CD68: variants seen among roughly 807,000 people sequenced by gnomAD.
CD68 encodes macrosialin.
Under a neutral mutation model 31.3 loss-of-function variants are expected in CD68, and 24 were observed. The ratio of observed to expected loss-of-function variants is 0.77; its 90% CI spans 0.55 to 1.08. The LOEUF (loss-of-function observed/expected upper bound fraction) is 1.08. Among genes scored for constraint, CD68 ranks in the 50% least tolerant of loss-of-function variants. The pLI is 0.00. For synonymous variants in CD68, 190 were observed against 179.6 expected, an observed-to-expected ratio of 1.06 and a Z score of -0.46; for missense variants, 461 against 442.5, an observed-to-expected ratio of 1.04 and a Z score of -0.38.
In CD68 at chr17:7,579,834, C is replaced by T; in HGVS notation, c.74C>T (p.Pro25Leu). 6.2e-7 allele frequency: 1 copy of T among 1,613,812 alleles called. No individual in the cohort carries two copies. Among genetic ancestry groups the T allele is most frequent in the Non-Finnish European group, 8.5e-7 (1 of 1,179,890 alleles). The change falls in exon 2 of 6, where the codon CCT becomes CTT. Residue 25 changes from proline to leucine, a missense_variant. Pro to Leu is a moderately conservative substitution (Grantham distance 98). Coordinates refer to ENST00000250092, the MANE Select transcript of CD68 (RefSeq NM_001251.3). ...LAAQGTGNDC[P>L]HKKSATLLPS... ...GCCCAGGGGACAGGGAATGACTGTC[C>T]TCACAAAAAATCAGCTACTTTGCTG... is the stretch of plus-strand genomic sequence containing the variant.
Position 7,581,392 on chromosome 17 carries a change from A to G in CD68, c.946A>G (p.Ser316Gly). ...GVFGQSFSCP[S>G]DRSILLPLII... ...CCTTCCGCCAGGTTTCTCCTGCCCC[A>G]GTGACCGGTCCATCTTGCTGCCTCT... The change falls in exon 6 of 6, where the codon AGT becomes GGT. Residue 316 changes from serine (S) to glycine (G), a missense_variant. Ser to Gly is a moderately conservative substitution (Grantham distance 56). Coordinates refer to ENST00000250092, the MANE Select transcript of CD68 (RefSeq NM_001251.3). 1.9e-6 allele frequency: 3 copies of G among 1,613,950 alleles called. No individual in the cohort carries two copies. Among genetic ancestry groups the G allele is most frequent in the Non-Finnish European group, 2.5e-6 (3 of 1,180,006 alleles).
At position 7,579,817 on chromosome 17, in the gene CD68, G is replaced by T. The variant is rs753177749; in HGVS notation, c.57G>T (p.Gly19=). Residue 19 remains glycine (G), a synonymous_variant, in exon 2 of 6, where the codon GGG becomes GGT. Coordinates refer to ENST00000250092, the MANE Select transcript of CD68 (RefSeq NM_001251.3). ...GALLGLLAAQ[G]TGNDCPHKKS... is the part of the protein sequence containing the mutation. ...TCTCCTCTCTGCCAAAAGCCCAGGG[G>T]ACAGGGAATGACTGTCCTCACAAAA... The T allele has an allele frequency of 4.3e-6, 7 of 1,613,306 alleles. No homozygotes were observed. The highest frequency in any genetic ancestry group is 5.9e-6 in the Non-Finnish European group (7 of 1,179,488).
In CD68 at chr17:7,581,441, G is replaced by T; in HGVS notation, c.995G>T (p.Gly332Val). The T allele has an allele frequency of 6.2e-7, 1 of 1,614,058 alleles. No homozygotes were observed. Among genetic ancestry groups the T allele is most frequent in the Non-Finnish European group, 8.5e-7 (1 of 1,179,996 alleles). ...CTCATCATCGGCCTGATCCTTCTTG[G>T]CCTCCTCGCCCTGGTGCTTATTGCT... is the stretch of plus-strand genomic sequence containing the variant. ...LPLIIGLILL[G>V]LLALVLIAFC... Residue 332 changes from glycine to valine, a missense_variant, in exon 6 of 6, where the codon GGC (glycine) becomes GTC (valine). Transcript: ENST00000250092.
At chr17:7,581,087 C>G in intron 5 of CD68, 21 bp downstream of exon 5, 1 of 1,604,016 alleles carries the variant, frequency 6.2e-7, no homozygotes, top group South Asian at 1.1e-5. Flanking sequence ...CCTACTCCTT[C>G]CCTCCTAGAA....
chr17:7,581,526 C>A lies in CD68; in HGVS notation c.*15C>A. On this transcript the variant is annotated 3_prime_UTR_variant, in exon 6 of 6. Coordinates refer to ENST00000250092, the MANE Select transcript of CD68 (RefSeq NM_001251.3). ...AGGCCCTCTGAGCATTTGCTTCAAA[C>A]CCCAGGGCACTGAGGGGGTTGGGGT... 2 of 1,614,020 alleles carry A rather than the reference C, an allele frequency of 1.2e-6. No homozygotes were observed. Among genetic ancestry groups the A allele is most frequent in the Non-Finnish European group, 1.7e-6 (2 of 1,179,928 alleles).
rs2150929863 is a variant in CD68, at chr17:7,580,357, A to T, written c.567+30A>T. On this transcript the variant is annotated intron_variant, in intron 2 of 5. Transcript: ENST00000250092. The surrounding 1 kb of genome is among the most constrained non-coding windows in gnomAD (Gnocchi z 4.3). ...AGCTAAAACTGGGGGATGAGAGGGGAGGGAGGCAGGACTGGATATAGGCTC... is the reference window on the plus strand; with the variant it reads ...AGCTAAAACTGGGGGATGAGAGGGGTGGGAGGCAGGACTGGATATAGGCTC... The T allele has an allele frequency of 6.2e-7, 1 of 1,607,822 alleles. No homozygotes were observed. Among genetic ancestry groups the T allele is most frequent in the South Asian group, 1.1e-5 (1 of 90,702 alleles).
Position 7,581,634 on chromosome 17 carries a change from A to C in CD68, c.*123A>C, listed in dbSNP as rs2071486660. The stretch of plus-strand genomic sequence containing the variant: ...TTTCCTTCCCTTTCTTGAAGAACAA[A>C]AAGAAAGCCGGGCATGACGGCTCAT... On this transcript the variant is annotated 3_prime_UTR_variant, in exon 6 of 6. Coordinates refer to ENST00000250092, the MANE Select transcript of CD68 (RefSeq NM_001251.3). The C allele has an allele frequency of 2.6e-6, 3 of 1,134,288 alleles. No homozygotes were observed. In the South Asian group the frequency reaches 4.3e-5, roughly 16 times the overall value. The allele number at this position is 1,134,288 out of a possible 1,614,324, so 70.3% of individuals were successfully genotyped here.
chr17:7,581,706 G>C lies in CD68; in HGVS notation c.*195G>C. 1 of 574,016 alleles carries C rather than the reference G, an allele frequency of 1.7e-6. No individual in the cohort carries two copies. The allele number at this position is 574,016 out of a possible 1,614,324, so 35.6% of individuals were successfully genotyped here. The stretch of plus-strand genomic sequence containing the variant: ...GGAGGCTGAGGCAGGTGGATCACTG[G>C]AGGTCAGGAGTTTGAGACCAGCCTG... On this transcript the variant is annotated 3_prime_UTR_variant, in exon 6 of 6. Coordinates refer to ENST00000250092, the MANE Select transcript of CD68 (RefSeq NM_001251.3).
rs150041207 is a variant in CD68 at position 7,581,493 on chromosome 17, C to T, written c.1047C>T (p.Ser349=). ...TCTGCATCATCCGGAGACGCCCATC[C>T]GCCTACCAGGCCCTCTGAGCATTTG... ...IAFCIIRRRP[S]AYQAL Residue 349 remains serine, a synonymous_variant, in exon 6 of 6, where the codon TCC becomes TCT. Coordinates refer to ENST00000250092, the MANE Select transcript of CD68 (RefSeq NM_001251.3). 1.2e-5 allele frequency: 20 copies of T among 1,614,074 alleles called. No homozygotes were observed. The highest frequency in any genetic ancestry group is 1.6e-4 in the Middle Eastern group (1 of 6,084).
rs753495930 is a variant in CD68, at chr17:7,580,249, C to G, written c.489C>G (p.Thr163=). Residue 163 remains threonine (T), a synonymous_variant, in exon 2 of 6, where the codon ACC becomes ACG. Transcript: ENST00000250092. The surrounding 1 kb of genome is among the most constrained non-coding windows in gnomAD (Gnocchi z 4.3). ...SKETIGDYTW[T]NGSQPCVHLQ... is the part of the protein sequence containing the mutation. ...AGACCATTGGAGACTACACGTGGAC[C>G]AATGGTTCCCAGCCCTGTGTCCACC... 6.2e-7 allele frequency: 1 copy of G among 1,613,880 alleles called. No homozygotes were observed. Among genetic ancestry groups the G allele is most frequent in the Non-Finnish European group, 8.5e-7 (1 of 1,180,002 alleles).
rs1438434023 is a variant in CD68 at position 7,580,792 on chromosome 17, C to T, written c.760+9C>T. Reference sequence around the variant, plus strand: ...CTTCCCCCACGCAGCACGTAAGTAACCTCCTTCCCTTTCTCATTGCTACCA... The same window carrying T: ...CTTCCCCCACGCAGCACGTAAGTAATCTCCTTCCCTTTCTCATTGCTACCA... On this transcript the variant is annotated intron_variant, in intron 4 of 5. Transcript: ENST00000250092. This position sits in a 1 kb window ranked among gnomAD's most constrained non-coding sequence, Gnocchi z 4.3. 3.1e-6 allele frequency: 5 copies of T among 1,613,954 alleles called. No homozygotes were observed. The South Asian group carries it at 3.3e-5, about 11-fold the overall frequency.
rs1274149236 is a variant in CD68, at chr17:7,580,079, G to A, written c.319G>A (p.Ala107Thr). 2 of 1,613,792 alleles carry A rather than the reference G, an allele frequency of 1.2e-6. No individual in the cohort carries two copies. Among genetic ancestry groups the A allele is most frequent in the Admixed American group, 3.3e-5 (2 of 59,978 alleles). Residue 107 changes from alanine (A) to threonine (T), a missense_variant, in exon 2 of 6, where the codon GCC (alanine) becomes ACC (threonine). Ala to Thr is a moderately conservative substitution (Grantham distance 58). Coordinates refer to ENST00000250092, the MANE Select transcript of CD68 (RefSeq NM_001251.3). This position sits in a 1 kb window ranked among gnomAD's most constrained non-coding sequence, Gnocchi z 4.3. ...STATSQGPST[A>T]THSPATTSHG... The stretch of plus-strand genomic sequence containing the variant: ...TGCCACCAGCCAGGGACCCTCAACT[G>A]CCACTCACAGTCCTGCCACCACTAG...
Position 7,581,073 on chromosome 17 carries a change from C to T in CD68, c.931+7C>T. 1 of 1,610,336 alleles carries T rather than the reference C, an allele frequency of 6.2e-7. No individual in the cohort carries two copies. Among genetic ancestry groups the T allele is most frequent in the Non-Finnish European group, 8.5e-7 (1 of 1,177,566 alleles). The stretch of plus-strand genomic sequence containing the variant: ...ACAGGGGTCTTTGGGCAAAGTAAGA[C>T]CTACCTACTCCTTCCCTCCTAGAAT... On this transcript the variant is annotated splice_region_variant and intron_variant, in intron 5 of 5. Coordinates refer to ENST00000250092, the MANE Select transcript of CD68 (RefSeq NM_001251.3).
In CD68 at chr17:7,581,079, T is replaced by C. The variant is rs772229167; in HGVS notation, c.931+13T>C. 1.2e-6 allele frequency: 2 copies of C among 1,609,074 alleles called. No homozygotes were observed. The highest frequency in any genetic ancestry group is 3.3e-5 in the Admixed American group (2 of 59,986). On this transcript the variant is annotated intron_variant, in intron 5 of 5. Coordinates refer to ENST00000250092, the MANE Select transcript of CD68 (RefSeq NM_001251.3). Reference sequence around the variant, plus strand: ...GTCTTTGGGCAAAGTAAGACCTACCTACTCCTTCCCTCCTAGAATCCTCCC... The same window carrying C: ...GTCTTTGGGCAAAGTAAGACCTACCCACTCCTTCCCTCCTAGAATCCTCCC...
rs1597855760 is a variant in CD68, at chr17:7,580,739, G to A, written c.716G>A (p.Ser239Asn). 8.7e-6 allele frequency: 14 copies of A among 1,614,076 alleles called. No homozygotes were observed. The highest frequency in any genetic ancestry group is 1.1e-5 in the Non-Finnish European group (13 of 1,180,020). ...QDLQQKVVYL[S>N]YMAVEYNVSF... Reference sequence around the variant, plus strand: ...CTCCAGCAGAAGGTTGTCTACCTGAGCTACATGGCGGTGGAGTACAATGTG... The same window carrying A: ...CTCCAGCAGAAGGTTGTCTACCTGAACTACATGGCGGTGGAGTACAATGTG... Residue 239 changes from serine (S) to asparagine (N), a missense_variant, in exon 4 of 6, where the codon AGC (serine) becomes AAC (asparagine). Ser to Asn is a conservative substitution (Grantham distance 46). Coordinates refer to ENST00000250092, the MANE Select transcript of CD68 (RefSeq NM_001251.3). This position sits in a 1 kb window ranked among gnomAD's most constrained non-coding sequence, Gnocchi z 4.3.
At chr17:7,581,174 T>C in intron 5 of CD68, 108 bp downstream of exon 5, 1 of 1,207,406 alleles carries the variant, frequency 8.3e-7, no homozygotes, top group South Asian at 1.3e-5. Flanking sequence ...CAAATCTCGC[T>C]CTCCCAGCTT....
Position 7,581,444 on chromosome 17 carries a change from T to G in CD68, c.998T>G (p.Leu333Arg). Residue 333 changes from leucine (L) to arginine (R), a missense_variant, in exon 6 of 6, where the codon CTC (leucine) becomes CGC (arginine). Coordinates refer to ENST00000250092, the MANE Select transcript of CD68 (RefSeq NM_001251.3). ...PLIIGLILLG[L>R]LALVLIAFCI... ...ATCATCGGCCTGATCCTTCTTGGCC[T>G]CCTCGCCCTGGTGCTTATTGCTTTC... 6.2e-7 allele frequency: 1 copy of G among 1,614,096 alleles called. No homozygotes were observed. Among genetic ancestry groups the G allele is most frequent in the Non-Finnish European group, 8.5e-7 (1 of 1,179,990 alleles).
chr17:7,581,631 CA>C lies in CD68; in HGVS notation c.*125del. The C allele has an allele frequency of 1.7e-6, 2 of 1,159,808 alleles. No individual in the cohort carries two copies. Among genetic ancestry groups the C allele is most frequent in the Non-Finnish European group, 1.2e-6 (1 of 816,790 alleles). 71.8% of individuals were successfully genotyped at this position (1,159,808 alleles called of 1,614,324 possible). A position where few individuals can be genotyped will look rare whatever the true frequency, so the allele number is the denominator to read the frequency against. ...TATTTTCCTTCCCTTTCTTGAAGAA[CA>C]AAAAGAAAGCCGGGCATGACGGCTC... On this transcript the variant is annotated 3_prime_UTR_variant, in exon 6 of 6. Coordinates refer to ENST00000250092, the MANE Select transcript of CD68 (RefSeq NM_001251.3).
intron 5 of CD68, 146 bp downstream of exon 5, chr17:7,581,212 C>T (rs1257890068): frequency 1.7e-6 from 2 of 1,160,304 alleles, no homozygotes; most frequent in African/African-American, 3.0e-5. Context: ...GCTTTCTTTC[C>T]ATCCTCTACA....
Sources: gnomAD v4.1 joint callset for allele counts on GRCh38, gnomAD v4.1.1 for gene constraint, Gnocchi (gnomAD v3.1) non-coding constraint, MANE v1.5 for transcripts, NCBI Gene and HGNC (gene_info 2026-07-23, HGNC 2026-07-21) for gene names.